SHROOM4: variants seen among roughly 807,000 people sequenced by gnomAD.
SHROOM4 encodes the protein shroom family member 4.
SHROOM4 carries 17 observed loss-of-function variants against 80.3 expected under a neutral mutation model. The observed-to-expected ratio is 0.21, with a 90% CI of 0.14 to 0.32. The LOEUF (loss-of-function observed/expected upper bound fraction) is 0.32. SHROOM4 is among the 10% of genes least tolerant of loss of function. The pLI, the probability that SHROOM4 is intolerant of heterozygous loss-of-function variation, is 1.00. For synonymous variants in SHROOM4, 400 were observed against 437.5 expected, an observed-to-expected ratio of 0.91 and a Z score of 1.07; for missense variants, 993 against 1,140.3, an observed-to-expected ratio of 0.87 and a Z score of 1.86.
chrX:50,682,725 GGAA>G (rs1932970086), intron 2 of SHROOM4, among the ~76,000 whole-genome samples: 1 of 111,809 alleles, frequency 8.9e-6, no homozygotes, highest in Non-Finnish European at 1.9e-5. Context: ...CATCATTTTG[GGAA>G]GAAGGAGCAG....
intron 2 of SHROOM4, among the ~76,000 whole-genome samples, chrX:50,646,293 CGAA>C (rs1342334578): frequency 9.0e-6 from 1 of 111,354 alleles, no homozygotes; most frequent in Non-Finnish European, 1.9e-5. Flanking sequence ...CTGCCCCACA[CGAA>C]GAAGCCCAAG....
intron 1 of SHROOM4, among the ~76,000 whole-genome samples, chrX:50,717,193 G>T (rs782753283): frequency 6.2e-4 from 69 of 111,750 alleles, no homozygotes; most frequent in African/African-American, 1.8e-3. Flanking sequence ...TGTTGCTGAA[G>T]GGACCACCAG....
At chrX:50,689,200 C>T (rs1933159231) in intron 2 of SHROOM4, among the ~76,000 whole-genome samples, 1 of 111,194 alleles carries the variant, frequency 9.0e-6, no homozygotes, top group East Asian at 2.8e-4. Flanking sequence ...TAAATACGTA[C>T]TATGTATCAG....
chrX:50,622,629 C>T (rs1198312237), intron 5 of SHROOM4, among the ~76,000 whole-genome samples: 1 of 112,061 alleles, frequency 8.9e-6, no homozygotes, highest in Non-Finnish European at 1.9e-5. Flanking sequence ...GATTTTTCCA[C>T]CTACACTCAT....
Position 50,623,437 on chromosome X carries a change from T to C in SHROOM4, c.2957+4177A>G, listed in dbSNP as rs1407062885. On this transcript the variant is annotated intron_variant, in intron 5 of 8. Transcript: ENST00000376020. ...TCCTGACCTCAAGGGATCTGCCGGC[T>C]TCGGCCTACCAAAGTGTTGAGATTA... is the stretch of plus-strand genomic sequence containing the variant. Among the ~76,000 whole-genome samples, 5 of 111,303 alleles carry C rather than the reference T, an allele frequency of 4.5e-5. No homozygotes were observed. In the East Asian group the frequency reaches 1.4e-3, roughly 32 times the overall value.
At position 50,733,758 on chromosome X, in the gene SHROOM4, G is replaced by C. The variant is rs782699849; in HGVS notation, c.118-37821C>G. 2.7e-5 allele frequency among the ~76,000 whole-genome samples: 3 copies of C among 111,864 alleles called. No homozygotes were observed. In the South Asian group the frequency reaches 1.1e-3, roughly 41 times the overall value. On this transcript the variant is annotated intron_variant, in intron 1 of 8. Coordinates refer to ENST00000376020, the MANE Select transcript of SHROOM4 (RefSeq NM_020717.5). The stretch of plus-strand genomic sequence containing the variant: ...GTCAAATCCACTCAACATTGTACTA[G>C]ATATTCTAGCCAGAGAAATTAGCCA...
At chrX:50,637,567 G>A (rs1312633125) in intron 3 of SHROOM4, among the ~76,000 whole-genome samples, 5 of 112,608 alleles carry the variant, frequency 4.4e-5, no homozygotes, top group Non-Finnish European at 3.8e-5. Flanking sequence ...TGGGGTAAAC[G>A]CAACCCTTAG....
At chrX:50,619,798 G>T (rs1425769771) in intron 5 of SHROOM4, among the ~76,000 whole-genome samples, 1 of 111,220 alleles carries the variant, frequency 9.0e-6, no homozygotes. Flanking sequence ...GCTAGTGATA[G>T]AAATGAAGGG....
chrX:50,767,098 T>G (rs1935292111), intron 1 of SHROOM4, among the ~76,000 whole-genome samples: 1 of 112,133 alleles, frequency 8.9e-6, no homozygotes, highest in Admixed American at 9.4e-5. Flanking sequence ...GGGAGTACAA[T>G]CTGGCAACAT....
Position 50,595,093 on chromosome X carries a change from A to G in SHROOM4, c.*1602T>C, listed in dbSNP as rs1293658307. On this transcript the variant is annotated 3_prime_UTR_variant, in exon 9 of 9. Transcript: ENST00000376020. ...GACCCTGAGGAACTCAGCAGTAACT[A>G]GAAGAGATGCCAGGCCTTGGCTGGG... 1.8e-5 allele frequency: 2 copies of G among 112,835 alleles called. No individual in the cohort carries two copies. The highest frequency in any genetic ancestry group is 3.7e-5 in the Non-Finnish European group (2 of 53,337). 9.3% of individuals were successfully genotyped at this position (112,835 alleles called of 1,213,427 possible).
chrX:50,622,799 T>C (rs781864016), intron 5 of SHROOM4, among the ~76,000 whole-genome samples: 4 of 112,430 alleles, frequency 3.6e-5, no homozygotes, highest in Admixed American at 9.4e-5. Flanking sequence ...AGACCTTTAA[T>C]TGGGACCTGC....
chrX:50,735,783 G>T (rs1356404098), intron 1 of SHROOM4, among the ~76,000 whole-genome samples: 1 of 111,268 alleles, frequency 9.0e-6, no homozygotes, highest in African/African-American at 3.3e-5. Flanking sequence ...TGAGGTGGGC[G>T]GATCACGAGG....
At chrX:50,696,701 G>A (rs1262648607) in intron 1 of SHROOM4, among the ~76,000 whole-genome samples, 2 of 112,284 alleles carry the variant, frequency 1.8e-5, no homozygotes, top group African/African-American at 6.5e-5. Context: ...TGCTTCTAGT[G>A]TCTGACACAC....
intron 5 of SHROOM4, among the ~76,000 whole-genome samples, chrX:50,613,495 C>A (rs1183716814): frequency 1.8e-5 from 2 of 112,060 alleles, no homozygotes; most frequent in African/African-American, 3.2e-5. Flanking sequence ...ATATGGAAAT[C>A]ATCTTTTCTA....
intron 1 of SHROOM4, among the ~76,000 whole-genome samples, chrX:50,777,349 G>T (rs1423639910): frequency 8.9e-6 from 1 of 112,133 alleles, no homozygotes; most frequent in Non-Finnish European, 1.9e-5. Context: ...AAATAGATAA[G>T]AAGACTTTTT....
At position 50,714,685 on chromosome X, in the gene SHROOM4, T is replaced by A. The variant is rs1194229015; in HGVS notation, c.118-18748A>T. Among the ~76,000 whole-genome samples, 6 of 112,367 alleles carry A rather than the reference T, an allele frequency of 5.3e-5. No homozygotes were observed. The East Asian group carries it at 1.7e-3, about 31-fold the overall frequency. ...TAAATTATAACTTTAATTTACAGTA[T>A]GTTAAGATAGCAACACAGTATAGGA... On this transcript the variant is annotated intron_variant, in intron 1 of 8. Transcript: ENST00000376020.
chrX:50,813,182 G>GGCGGCGGCGGCGGCA lies in SHROOM4; in HGVS notation c.117+719_117+720insTGCCGCCGCCGCCGC, dbSNP rs1342056702. Among the ~76,000 whole-genome samples the GGCGGCGGCGGCGGCA allele has an allele frequency of 2.3e-3, 252 of 109,876 alleles. 2 individuals are homozygous for GGCGGCGGCGGCGGCA. The highest frequency in any genetic ancestry group is 8.0e-3 in the African/African-American group (242 of 30,366). On this transcript the variant is annotated intron_variant, in intron 1 of 8. Coordinates refer to ENST00000376020, the MANE Select transcript of SHROOM4 (RefSeq NM_020717.5). Reference sequence around the variant, plus strand: ...CAGTGGCGGCGGCGGCGGCGGCGGCGGCGGCAGCGGCAGCAGCAACAGCAG... The same window carrying GGCGGCGGCGGCGGCA: ...CAGTGGCGGCGGCGGCGGCGGCGGCGGCGGCGGCGGCGGCAGCGGCAGCGGCAGCAGCAACAGCAG...
intron 1 of SHROOM4, among the ~76,000 whole-genome samples, chrX:50,761,521 A>G (rs2147627344): frequency 9.0e-6 from 1 of 111,487 alleles, no homozygotes; most frequent in Admixed American, 9.5e-5. Flanking sequence ...ATGCTCAGTG[A>G]TATTGAGCTT....
In SHROOM4 at chrX:50,618,419, CCTTT is replaced by C. The variant is rs1434948075; in HGVS notation, c.2957+9191_2957+9194del. ...TCCTTCCTTCCTTCCTTCCTTCCTTCCTTTCTTATTTTTGAGACAGTGTCTTGCC... is the reference window on the plus strand; with the variant it reads ...TCCTTCCTTCCTTCCTTCCTTCCTTCCTTATTTTTGAGACAGTGTCTTGCC... On this transcript the variant is annotated intron_variant, in intron 5 of 8. Coordinates refer to ENST00000376020, the MANE Select transcript of SHROOM4 (RefSeq NM_020717.5). Among the ~76,000 whole-genome samples, 4 of 72,578 alleles carry C rather than the reference CCTTT, an allele frequency of 5.5e-5. 1 individual carries two copies. The highest frequency in any genetic ancestry group is 1.5e-4 in the African/African-American group (3 of 19,384). 63.0% of individuals were successfully genotyped at this position (72,578 alleles called of 115,157 possible). A position where few individuals can be genotyped will look rare whatever the true frequency, so the allele number is the denominator to read the frequency against.
Sources: allele counts gnomAD v4.1 joint callset (sites outside exome capture counted in the v4.1 genomes callset), GRCh38; gene constraint gnomAD v4.1.1; transcripts MANE v1.5; gene names NCBI Gene and HGNC (gene_info 2026-07-23, HGNC 2026-07-21).